REPS2: variants seen among roughly 807,000 people sequenced by gnomAD.
REPS2 encodes the protein RALBP1 associated Eps domain containing 2, also known as ralBP1-associated Eps domain-containing protein 2.
A neutral mutation model predicts 53.6 loss-of-function variants in REPS2; 23 were observed. The ratio of observed to expected loss-of-function variants is 0.43; its 90% CI spans 0.31 to 0.61. The LOEUF (loss-of-function observed/expected upper bound fraction) is 0.61. Ranked by LOEUF, REPS2 falls within the 20% of genes least tolerant of loss-of-function variation. REPS2 has a pLI of 0.11. For synonymous variants in REPS2, 238 were observed against 218.6 expected, an observed-to-expected ratio of 1.09 and a Z score of -0.78; for missense variants, 446 against 534.9, an observed-to-expected ratio of 0.83 and a Z score of 1.64.
At chrX:16,981,939 A>G (rs1266343647) in intron 1 of REPS2, among the ~76,000 whole-genome samples, 1 of 111,466 alleles carries the variant, frequency 9.0e-6, no homozygotes, top group Non-Finnish European at 1.9e-5. Context: ...AAGAAACCTC[A>G]TACGCTTTAG....
the REPS2 span, among the ~76,000 whole-genome samples, chrX:17,165,394 A>G: frequency 1.8e-5 from 2 of 111,493 alleles, no homozygotes; most frequent in Non-Finnish European, 1.9e-5. Flanking sequence ...TGAAGTGCCT[A>G]TTTGTTTGCT....
At chrX:16,987,667 A>G (rs1007679475) in intron 1 of REPS2, among the ~76,000 whole-genome samples, 19 of 111,250 alleles carry the variant, frequency 1.7e-4, no homozygotes, top group African/African-American at 3.3e-4. Flanking sequence ...CAACTACTCA[A>G]CTCCACTCTT....
intron 14 of REPS2, among the ~76,000 whole-genome samples, chrX:17,123,000 A>C (rs2063160621): frequency 8.9e-6 from 1 of 112,393 alleles, no homozygotes; most frequent in Non-Finnish European, 1.9e-5. Flanking sequence ...GGCATTTTGA[A>C]ATTTGTATAT....
At position 17,138,842 on chromosome X, in the gene REPS2, G is replaced by A. The variant is rs1000125355; in HGVS notation, c.1809-14G>A. On this transcript the variant is annotated splice_polypyrimidine_tract_variant and intron_variant, in intron 16 of 17. Transcript: ENST00000357277. Reference sequence around the variant, plus strand: ...TAAGTCCTTTTTCACTGAAGTGTTTGTGCTTTTCTATAGGCAGTCTTCCAA... The same window carrying A: ...TAAGTCCTTTTTCACTGAAGTGTTTATGCTTTTCTATAGGCAGTCTTCCAA... 1 of 1,147,355 alleles carries A rather than the reference G, an allele frequency of 8.7e-7. No homozygotes were observed. The highest frequency in any genetic ancestry group is 1.2e-6 in the Non-Finnish European group (1 of 849,736). 94.6% of individuals were successfully genotyped at this position (1,147,355 alleles called of 1,213,427 possible). A position where few individuals can be genotyped will look rare whatever the true frequency, so the allele number is the denominator to read the frequency against.
the REPS2 span, among the ~76,000 whole-genome samples, chrX:17,173,312 A>G: frequency 9.0e-6 from 1 of 111,352 alleles, no homozygotes; most frequent in South Asian, 3.8e-4. Context: ...TGTTGACGCA[A>G]TTTATTTTCT....
chrX:17,044,151 C>T (rs1256393610), intron 5 of REPS2, among the ~76,000 whole-genome samples: 1 of 111,329 alleles, frequency 9.0e-6, no homozygotes, highest in Non-Finnish European at 1.9e-5. Context: ...TAAGAGGCCA[C>T]TAATGCCACG....
intron 5 of REPS2, among the ~76,000 whole-genome samples, chrX:17,030,992 G>T (rs374390842): frequency 2.0e-4 from 22 of 112,359 alleles, no homozygotes; most frequent in East Asian, 1.9e-3. Context: ...TATGCCATTT[G>T]CTCCCAGGGC....
chrX:17,122,239 C>A (rs1331916842), intron 14 of REPS2, among the ~76,000 whole-genome samples: 1 of 111,373 alleles, frequency 9.0e-6, no homozygotes, highest in Non-Finnish European at 1.9e-5. Context: ...TTAGGGTTAC[C>A]ACTATTCTGA....
chrX:17,053,256 A>G (rs899296623), intron 7 of REPS2, among the ~76,000 whole-genome samples: 4 of 112,402 alleles, frequency 3.6e-5, no homozygotes, highest in African/African-American at 1.3e-4. Flanking sequence ...AATAATACTC[A>G]TGCATGTCAA....
At chrX:17,141,284 G>A (rs1209050977) in intron 17 of REPS2, among the ~76,000 whole-genome samples, 2 of 111,883 alleles carry the variant, frequency 1.8e-5, no homozygotes, top group African/African-American at 6.5e-5. Context: ...TATAAGCGGT[G>A]TCTTACAACT....
At chrX:17,174,074 A>G in the REPS2 span, among the ~76,000 whole-genome samples, 1 of 111,406 alleles carries the variant, frequency 9.0e-6, no homozygotes, top group Admixed American at 9.6e-5. Context: ...CATCCTCACA[A>G]CAACCCTGTA....
In REPS2 at chrX:17,086,655, A is replaced by AT. The variant is rs199683764; in HGVS notation, c.1516+9254dup. Reference sequence around the variant, plus strand: ...GGTAGTTGCAAAATGGCGATACTCTATTTTTTCTACCTTTATTAATTGGGA... The same window carrying AT: ...GGTAGTTGCAAAATGGCGATACTCTATTTTTTTCTACCTTTATTAATTGGGA... On this transcript the variant is annotated intron_variant, in intron 13 of 17. Coordinates refer to ENST00000357277, the MANE Select transcript of REPS2 (RefSeq NM_004726.3). Among the ~76,000 whole-genome samples, 892 of 111,970 alleles carry AT rather than the reference A, an allele frequency of 8.0e-3. 12 individuals carry two copies. Among genetic ancestry groups the AT allele is most frequent in the African/African-American group, 0.028 (863 of 30,835 alleles).
intron 14 of REPS2, among the ~76,000 whole-genome samples, chrX:17,108,268 G>C (rs186008430): frequency 2.2e-4 from 24 of 108,730 alleles, no homozygotes; most frequent in Non-Finnish European, 4.4e-4. Context: ...CCACCTCCCC[G>C]GTTCAAGCGA....
At position 17,075,927 on chromosome X, in the gene REPS2, C is replaced by T. The variant is rs1290761749; in HGVS notation, c.1380-1344C>T. Among the ~76,000 whole-genome samples, 3 of 111,673 alleles carry T rather than the reference C, an allele frequency of 2.7e-5. No homozygotes were observed. In the East Asian group the frequency reaches 8.4e-4, roughly 31 times the overall value. ...TTCCCATTTAAGAACCTTGTCCTTC[C>T]GTATCAGTTCCCTTTGATTCTTGTT... On this transcript the variant is annotated intron_variant, in intron 12 of 17. Transcript: ENST00000357277.
chrX:17,110,847 C>G (rs1603047334), intron 14 of REPS2, among the ~76,000 whole-genome samples: 1 of 110,743 alleles, frequency 9.0e-6, no homozygotes, highest in Non-Finnish European at 1.9e-5. Flanking sequence ...AACCCCATCT[C>G]TACTAAAAAT....
chrX:16,971,033 G>C (rs1325262713), intron 1 of REPS2, among the ~76,000 whole-genome samples: 2 of 112,283 alleles, frequency 1.8e-5, no homozygotes, highest in Non-Finnish European at 3.8e-5. Context: ...GTGTCGTATG[G>C]TAACTCTATG....
chrX:17,179,581 TC>T, the REPS2 span, among the ~76,000 whole-genome samples: 3 of 111,934 alleles, frequency 2.7e-5, no homozygotes, highest in African/African-American at 9.8e-5. Flanking sequence ...AGATGATCCA[TC>T]CCTGCTGAGT....
chrX:17,148,344 C>G lies in REPS2; in HGVS notation c.*863C>G, dbSNP rs887106360. ...ATCTGTAAATGCATGAGTTTGGAAA[C>G]CACCCATCAAATATGAAAGGCTGAT... On this transcript the variant is annotated 3_prime_UTR_variant, in exon 18 of 18. Transcript: ENST00000357277. The G allele has an allele frequency of 1.8e-5, 2 of 112,535 alleles. No individual in the cohort carries two copies. Among genetic ancestry groups the G allele is most frequent in the Middle Eastern group, 4.6e-3 (1 of 216 alleles). The allele number at this position is 112,535 out of a possible 1,213,427, so 9.3% of individuals were successfully genotyped here.
intron 1 of REPS2, among the ~76,000 whole-genome samples, chrX:16,971,092 A>G (rs1165625758): frequency 8.9e-6 from 1 of 112,244 alleles, no homozygotes; most frequent in Non-Finnish European, 1.9e-5. Context: ...CTGCTGTACT[A>G]TTTGACATTC....
Sources: allele counts gnomAD v4.1 joint callset (sites outside exome capture counted in the v4.1 genomes callset), GRCh38; gene constraint gnomAD v4.1.1; transcripts MANE v1.5; gene names NCBI Gene and HGNC (gene_info 2026-07-23, HGNC 2026-07-21).